The following KIAA1217 variants were observed in gnomAD, a reference collection of about 807,000 sequenced individuals.
KIAA1217 encodes KIAA1217.
In KIAA1217, 88 loss-of-function variants were observed where a neutral mutation model predicts 163.9. That is an observed-to-expected ratio of 0.54 (90% CI 0.45 to 0.64). The LOEUF is 0.64. Ranked by LOEUF, KIAA1217 falls within the 30% of genes least tolerant of loss-of-function variation. The pLI is 0.00. For missense variants in KIAA1217, 2,372 were observed against 2,475.0 expected, an observed-to-expected ratio of 0.96 and a Z score of 0.88; for synonymous variants, 903 against 923.1, an observed-to-expected ratio of 0.98 and a Z score of 0.39.
At chr10:23,801,698 G>A (rs1374721600) in intron 1 of KIAA1217, among the ~76,000 whole-genome samples, 1 of 152,158 alleles carries the variant, frequency 6.6e-6, no homozygotes, top group African/African-American at 2.4e-5. Flanking sequence ...CACCCCAGGT[G>A]TAGATACTGT....
At chr10:24,160,068 A>G (rs1467441479) in intron 2 of KIAA1217, among the ~76,000 whole-genome samples, 1 of 152,138 alleles carries the variant, frequency 6.6e-6, no homozygotes, top group Non-Finnish European at 1.5e-5. Context: ...CCATTGATCT[A>G]TTTGCCCATC....
chr10:24,490,752 C>T (rs542053661), intron 6 of KIAA1217, among the ~76,000 whole-genome samples: 6 of 152,166 alleles, frequency 3.9e-5, no homozygotes, highest in Non-Finnish European at 7.3e-5. Context: ...ATGGCTTCCC[C>T]TCTACTGTCA....
intron 1 of KIAA1217, among the ~76,000 whole-genome samples, chr10:23,915,536 C>T (rs1464006525): frequency 1.3e-5 from 2 of 152,070 alleles, no homozygotes; most frequent in African/African-American, 4.8e-5. Flanking sequence ...ACATTGTTTC[C>T]TTAATTTGGG....
chr10:24,422,176 A>C (rs537671151), intron 3 of KIAA1217, among the ~76,000 whole-genome samples: 1 of 152,064 alleles, frequency 6.6e-6, no homozygotes, highest in African/African-American at 2.4e-5. Context: ...GGAAAGACCC[A>C]CCCCCATGAT....
chr10:24,341,617 T>C (rs536114978), intron 2 of KIAA1217, among the ~76,000 whole-genome samples: 1 of 152,040 alleles, frequency 6.6e-6, no homozygotes, highest in South Asian at 2.1e-4. Flanking sequence ...CTCTGCGTCA[T>C]AGCCAAAGAC....
At chr10:24,254,728 C>T (rs2074955257) in intron 2 of KIAA1217, among the ~76,000 whole-genome samples, 1 of 152,090 alleles carries the variant, frequency 6.6e-6, no homozygotes. Flanking sequence ...GTGGGAATGA[C>T]ACAATAAATA....
intron 9 of KIAA1217, among the ~76,000 whole-genome samples, chr10:24,502,240 C>CT (rs772404852): frequency 0.24 from 19,576 of 80,106 alleles, 2,305 homozygotes; most frequent in Middle Eastern, 0.29. Context: ...GTCAGCCAAG[C>CT]TTTTTTTTTT....
chr10:24,111,285 T>G (rs12254414), intron 2 of KIAA1217, among the ~76,000 whole-genome samples: 9,754 of 152,226 alleles, frequency 0.064, 872 homozygotes, highest in African/African-American at 0.2. Flanking sequence ...TAGTTTCAAT[T>G]CTGCCTAATA....
intron 1 of KIAA1217, among the ~76,000 whole-genome samples, chr10:23,807,639 G>T (rs1836806005): frequency 6.6e-6 from 1 of 152,208 alleles, no homozygotes; most frequent in South Asian, 2.1e-4. Context: ...GATGAATATG[G>T]CTGAGTGAGC....
chr10:23,817,346 T>A (rs1176468894), intron 1 of KIAA1217, among the ~76,000 whole-genome samples: 1 of 152,198 alleles, frequency 6.6e-6, no homozygotes, highest in Non-Finnish European at 1.5e-5. Flanking sequence ...ATGGCTATAG[T>A]TCTTATTGAA....
chr10:24,043,997 C>G (rs917536570), intron 2 of KIAA1217, among the ~76,000 whole-genome samples: 53 of 151,922 alleles, frequency 3.5e-4, no homozygotes, highest in African/African-American at 1.2e-3. Flanking sequence ...AATAAATAAA[C>G]TGGAGATAAA....
At chr10:24,519,444 T>C (rs2070741489) in intron 10 of KIAA1217, among the ~76,000 whole-genome samples, 1 of 152,150 alleles carries the variant, frequency 6.6e-6, no homozygotes, top group African/African-American at 2.4e-5. Flanking sequence ...TTCATCCTTG[T>C]TGATGAGACA....
chr10:24,086,934 T>G (rs868051170), intron 2 of KIAA1217, among the ~76,000 whole-genome samples: 1 of 152,158 alleles, frequency 6.6e-6, no homozygotes, highest in African/African-American at 2.4e-5. Context: ...ACATTTAGAT[T>G]TCCAGCTGGT....
At chr10:24,253,387 A>C (rs190694321) in intron 2 of KIAA1217, among the ~76,000 whole-genome samples, 119 of 152,266 alleles carry the variant, frequency 7.8e-4, no homozygotes, top group African/African-American at 2.8e-3. Context: ...TACGTAGCTC[A>C]CCACGGTGAC....
chr10:24,286,482 A>G (rs1046283341), intron 2 of KIAA1217, among the ~76,000 whole-genome samples: 2 of 152,000 alleles, frequency 1.3e-5, no homozygotes, highest in South Asian at 2.1e-4. Flanking sequence ...ATACACATAC[A>G]CACACACATA....
At chr10:23,990,237 G>A (rs919642834) in intron 1 of KIAA1217, among the ~76,000 whole-genome samples, 1 of 152,140 alleles carries the variant, frequency 6.6e-6, no homozygotes, top group Non-Finnish European at 1.5e-5. Flanking sequence ...AACCTCAAAG[G>A]TAAATCATGC....
In KIAA1217 at chr10:24,181,886, G is replaced by A. The variant is rs147497089; in HGVS notation, c.-170-37740G>A. On this transcript the variant is annotated intron_variant, in intron 2 of 18. Coordinates refer to the KIAA1217 transcript ENST00000376462. ...GTTTTAAGGACAAAAGTTCAGTTCCGGGTACACAGGTTTTGGAGTACCTAC... is the reference window on the plus strand; with the variant it reads ...GTTTTAAGGACAAAAGTTCAGTTCCAGGTACACAGGTTTTGGAGTACCTAC... Among the ~76,000 whole-genome samples the A allele has an allele frequency of 6.6e-4, 100 of 152,214 alleles. No individual in the cohort carries two copies. In the East Asian group the frequency reaches 0.015, roughly 23 times the overall value.
chr10:24,483,419 C>A (rs2064959172), intron 6 of KIAA1217, among the ~76,000 whole-genome samples: 1 of 152,182 alleles, frequency 6.6e-6, no homozygotes, highest in South Asian at 2.1e-4. Flanking sequence ...AAACGTGAGA[C>A]CTTTCATGTC....
chr10:24,147,208 A>G (rs1263484842), intron 2 of KIAA1217, among the ~76,000 whole-genome samples: 1 of 152,188 alleles, frequency 6.6e-6, no homozygotes, highest in African/African-American at 2.4e-5. Flanking sequence ...TGCAGACATC[A>G]AAGAAGTCTT....
Sources: gnomAD v4.1 joint callset for allele counts (sites outside exome capture counted in the v4.1 genomes callset) on GRCh38, gnomAD v4.1.1 for gene constraint, MANE v1.5 for transcripts, NCBI Gene and HGNC (gene_info 2026-07-23, HGNC 2026-07-21) for gene names.